MTHFS: variants seen among roughly 807,000 people sequenced by gnomAD.
The protein encoded by MTHFS is methenyltetrahydrofolate synthetase.
Under a neutral mutation model 12.7 loss-of-function variants are expected in MTHFS, and 7 were observed. The observed-to-expected ratio is 0.55, with a 90% CI of 0.31 to 1.03. The LOEUF is 1.03. MTHFS is among the 50% of genes least tolerant of loss of function. The probability of loss-of-function intolerance (pLI) is 0.05; values close to 1 mark genes in which losing one functional copy is unlikely to be tolerated. For missense variants in MTHFS, 252 were observed against 258.1 expected (o/e 0.98, Z 0.16); for synonymous variants, 100 against 97.1 (o/e 1.03, Z -0.18).
chr15:79,872,103 C>CAAAAAA (rs58835744), intron 2 of MTHFS, among the ~76,000 whole-genome samples: 4 of 66,766 alleles, frequency 6.0e-5, no homozygotes, highest in African/African-American at 2.4e-4. Flanking sequence ...GACTCCGTCT[C>CAAAAAA]AAAAAAAAAA....
intron 2 of MTHFS, among the ~76,000 whole-genome samples, chr15:79,885,955 T>A (rs1263154552): frequency 6.6e-6 from 1 of 152,252 alleles, no homozygotes; most frequent in Non-Finnish European, 1.5e-5. Context: ...TGAATCAGAC[T>A]ATATACTTGC....
intron 2 of MTHFS, among the ~76,000 whole-genome samples, chr15:79,880,865 G>T (rs2034285943): frequency 6.6e-6 from 1 of 151,526 alleles, no homozygotes; most frequent in East Asian, 1.9e-4. Context: ...ATGACAAAAG[G>T]TATGCTGAGG....
At chr15:79,886,266 G>C (rs1459457018) in intron 2 of MTHFS, among the ~76,000 whole-genome samples, 1 of 152,236 alleles carries the variant, frequency 6.6e-6, no homozygotes, top group Non-Finnish European at 1.5e-5. Context: ...TGTAAAGCTA[G>C]ATGTATGCTT....
At chr15:79,846,908 A>G (rs1187140996) in intron 2 of MTHFS, among the ~76,000 whole-genome samples, 1 of 152,214 alleles carries the variant, frequency 6.6e-6, no homozygotes, top group Non-Finnish European at 1.5e-5. Flanking sequence ...TCTTTACAGT[A>G]TGGCAAGGTG....
Position 79,845,174 on chromosome 15 carries a change from A to G in MTHFS, c.*36T>C, listed in dbSNP as rs1712373628. ...TACACATACTTTGCTTTACTCTCAT[A>G]TAAAACACTGATTATTTGGCTGTAG... On this transcript the variant is annotated 3_prime_UTR_variant, in exon 3 of 3. Transcript: ENST00000258874. The G allele has an allele frequency of 6.2e-7, 1 of 1,611,820 alleles. No homozygotes were observed. Among genetic ancestry groups the G allele is most frequent in the East Asian group, 2.2e-5 (1 of 44,856 alleles).
intron 2 of MTHFS, among the ~76,000 whole-genome samples, chr15:79,857,886 C>T (rs567493465): frequency 4.7e-4 from 71 of 152,038 alleles, no homozygotes; most frequent in African/African-American, 1.6e-3. Flanking sequence ...CATGGTGGCG[C>T]GTGCCTGTAA....
chr15:79,859,463 G>A (rs1358685799), intron 2 of MTHFS, among the ~76,000 whole-genome samples: 1 of 152,208 alleles, frequency 6.6e-6, no homozygotes, highest in Non-Finnish European at 1.5e-5. Flanking sequence ...TCATGAAAAG[G>A]TAGGGAAAGG....
chr15:79,867,916 A>AGT (rs1012427573), intron 2 of MTHFS, among the ~76,000 whole-genome samples: 10 of 152,134 alleles, frequency 6.6e-5, no homozygotes, highest in Non-Finnish European at 1.3e-4. Flanking sequence ...CTTTGAGTGG[A>AGT]GTGTGTGTGT....
intron 1 of MTHFS, among the ~76,000 whole-genome samples, chr15:79,895,932 T>G (rs888563871): frequency 6.6e-6 from 1 of 152,232 alleles, no homozygotes; most frequent in Non-Finnish European, 1.5e-5. Flanking sequence ...AAATACGTAC[T>G]TATTCAGGGG....
chr15:79,883,644 A>G (rs1356772314), intron 2 of MTHFS, among the ~76,000 whole-genome samples: 3 of 152,216 alleles, frequency 2.0e-5, no homozygotes, highest in Non-Finnish European at 4.4e-5. Context: ...ACTGCCATGT[A>G]TTGATCTCTG....
chr15:79,877,709 AG>A (rs2034225124), intron 2 of MTHFS: 1 of 152,046 alleles, frequency 6.6e-6, no homozygotes, highest in Non-Finnish European at 1.5e-5. Flanking sequence ...CAAAAAAAAA[AG>A]AAAAGAAATC....
chr15:79,850,063 T>C (rs2033687147), intron 2 of MTHFS, among the ~76,000 whole-genome samples: 1 of 152,278 alleles, frequency 6.6e-6, no homozygotes, highest in Admixed American at 6.5e-5. Context: ...GCAATCTCTG[T>C]GCTTCCATTT....
At chr15:79,863,934 G>A (rs2033960780) in intron 2 of MTHFS, among the ~76,000 whole-genome samples, 1 of 152,176 alleles carries the variant, frequency 6.6e-6, no homozygotes, top group Non-Finnish European at 1.5e-5. Flanking sequence ...GATTCTAACT[G>A]ATAACCTGAG....
chr15:79,888,059 C>G (rs1372821869), intron 2 of MTHFS, among the ~76,000 whole-genome samples: 1 of 152,096 alleles, frequency 6.6e-6, no homozygotes, highest in Non-Finnish European at 1.5e-5. Flanking sequence ...AAGTCTTAGT[C>G]AAAAATATAC....
At chr15:79,846,640 G>T (rs2033620473) in intron 2 of MTHFS, among the ~76,000 whole-genome samples, 3 of 152,182 alleles carry the variant, frequency 2.0e-5, no homozygotes, top group Admixed American at 2.0e-4. Flanking sequence ...TCAGATTACA[G>T]TAATGACCTT....
Position 79,882,024 on chromosome 15 carries a change from T to C in MTHFS, c.379+7069A>G, listed in dbSNP as rs117230349. 0.019 allele frequency among the ~76,000 whole-genome samples: 2,942 copies of C among 152,338 alleles called. 183 individuals carry two copies. The East Asian group carries it at 0.22, about 11-fold the overall frequency. On this transcript the variant is annotated intron_variant, in intron 2 of 2. Transcript: ENST00000258874. ...GGGAGGTCACCCAAAATGCCTACAATGGCATGTGCGATGTGCAAAAGCACA... is the reference window on the plus strand; with the variant it reads ...GGGAGGTCACCCAAAATGCCTACAACGGCATGTGCGATGTGCAAAAGCACA...
chr15:79,880,227 G>A (rs1222436210), intron 2 of MTHFS, among the ~76,000 whole-genome samples: 3 of 151,970 alleles, frequency 2.0e-5, no homozygotes, highest in Non-Finnish European at 4.4e-5. Context: ...CCACCACCAC[G>A]CCTGGCTAAT....
At chr15:79,854,900 T>C (rs2033773905) in intron 2 of MTHFS, among the ~76,000 whole-genome samples, 2 of 152,198 alleles carry the variant, frequency 1.3e-5, no homozygotes, top group Admixed American at 1.3e-4. Context: ...AGAAGCAAGC[T>C]AGGTTGCTGC....
chr15:79,872,070 A>AC (rs1371360113), intron 2 of MTHFS, among the ~76,000 whole-genome samples: 3 of 134,640 alleles, frequency 2.2e-5, no homozygotes, highest in Non-Finnish European at 4.6e-5. Context: ...ACACCACTGC[A>AC]CTCCAGCCTG....
Sources: allele counts gnomAD v4.1 joint callset (sites outside exome capture counted in the v4.1 genomes callset), GRCh38; gene constraint gnomAD v4.1.1; transcripts MANE v1.5; gene names NCBI Gene and HGNC (gene_info 2026-07-23, HGNC 2026-07-21).